DLG2: variants seen among roughly 807,000 people sequenced by gnomAD.
DLG2 encodes the protein discs large MAGUK scaffold protein 2.
DLG2 carries 45 observed loss-of-function variants against 132.5 expected under a neutral mutation model. The ratio of observed to expected loss-of-function variants is 0.34; its 90% CI spans 0.27 to 0.44. The LOEUF (loss-of-function observed/expected upper bound fraction) is 0.44, where lower values mean the gene tolerates loss of function less well. Ranked by LOEUF, DLG2 falls within the 20% of genes least tolerant of loss-of-function variation. DLG2 has a pLI of 1.00. For synonymous variants in DLG2, 424 were observed against 419.6 expected, an observed-to-expected ratio of 1.01 and a Z score of -0.13; for missense variants, 1,045 against 1,196.9, an observed-to-expected ratio of 0.87 and a Z score of 1.87.
intron 3 of DLG2, among the ~76,000 whole-genome samples, chr11:85,521,910 T>C (rs1335011976): frequency 1.3e-5 from 2 of 152,006 alleles, no homozygotes; most frequent in East Asian, 3.9e-4. Context: ...AACATAAAAG[T>C]TTGGAGAATT....
At chr11:85,357,179 C>T (rs569310696) in intron 3 of DLG2, among the ~76,000 whole-genome samples, 13 of 151,130 alleles carry the variant, frequency 8.6e-5, no homozygotes, top group African/African-American at 2.4e-4. Flanking sequence ...TTTCACTATG[C>T]ATACCTCCAA....
chr11:84,084,579 G>A (rs545740438), intron 10 of DLG2, among the ~76,000 whole-genome samples: 5 of 152,262 alleles, frequency 3.3e-5, no homozygotes, highest in Admixed American at 6.5e-5. Flanking sequence ...ATTAAGTAGT[G>A]ACAAAGATTC....
At chr11:84,021,510 C>T (rs2095392696) in intron 11 of DLG2, among the ~76,000 whole-genome samples, 1 of 152,092 alleles carries the variant, frequency 6.6e-6, no homozygotes. Flanking sequence ...CAGTCTGGTC[C>T]TTAAGCAGCT....
chr11:85,110,175 A>G (rs2072473844), intron 6 of DLG2, among the ~76,000 whole-genome samples: 1 of 152,060 alleles, frequency 6.6e-6, no homozygotes. Flanking sequence ...TGAACAAATA[A>G]TAGAATTATT....
chr11:83,559,350 G>A (rs1035954426), intron 19 of DLG2, among the ~76,000 whole-genome samples: 1 of 152,148 alleles, frequency 6.6e-6, no homozygotes, highest in Admixed American at 6.5e-5. Flanking sequence ...AGAATTACTC[G>A]CATAATCTTG....
chr11:83,622,257 C>T (rs2061749920), intron 19 of DLG2, among the ~76,000 whole-genome samples: 1 of 152,146 alleles, frequency 6.6e-6, no homozygotes, highest in African/African-American at 2.4e-5. Flanking sequence ...AAGAATTGAG[C>T]ATTTTCATTT....
intron 3 of DLG2, among the ~76,000 whole-genome samples, chr11:85,308,630 T>C (rs975339751): frequency 2.6e-5 from 4 of 152,220 alleles, no homozygotes; most frequent in African/African-American, 9.6e-5. Context: ...GGCCAGATTT[T>C]TGTAGTTCCC....
In DLG2 at chr11:83,725,938, T is replaced by C. The variant is rs949645781; in HGVS notation, c.1825+60752A>G. ...GGTCTACTGCTACCCAAATCAGCTGTGGTGGTCACCATGGTAACCACCCAC... is the reference window on the plus strand; with the variant it reads ...GGTCTACTGCTACCCAAATCAGCTGCGGTGGTCACCATGGTAACCACCCAC... On this transcript the variant is annotated intron_variant, in intron 18 of 27. Coordinates refer to ENST00000376104, the MANE Select transcript of DLG2 (RefSeq NM_001142699.3). Among the ~76,000 whole-genome samples, 4 of 152,072 alleles carry C rather than the reference T, an allele frequency of 2.6e-5. No individual in the cohort carries two copies. The East Asian group carries it at 7.7e-4, about 29-fold the overall frequency.
chr11:84,174,168 A>G (rs1465448651), intron 8 of DLG2, among the ~76,000 whole-genome samples: 1 of 150,034 alleles, frequency 6.7e-6, no homozygotes, highest in African/African-American at 2.5e-5. Flanking sequence ...TTTTTTTGTC[A>G]TATACATCCT....
intron 6 of DLG2, among the ~76,000 whole-genome samples, chr11:84,808,174 A>G (rs2076202569): frequency 6.6e-6 from 1 of 152,112 alleles, no homozygotes; most frequent in African/African-American, 2.4e-5. Context: ...AAAATTAAAG[A>G]TAACACAAAG....
chr11:83,976,709 A>G (rs971317152), intron 12 of DLG2, among the ~76,000 whole-genome samples: 4 of 151,948 alleles, frequency 2.6e-5, no homozygotes, highest in African/African-American at 9.7e-5. Context: ...TTCCTTACAT[A>G]AGAGAGGAGA....
At chr11:83,486,392 A>G (rs935503509) in intron 21 of DLG2, 3 of 561,578 alleles carry the variant, frequency 5.3e-6, no homozygotes, top group Non-Finnish European at 9.4e-6. Flanking sequence ...ATACAAAACA[A>G]TGCCAAGAGG....
At chr11:84,128,801 A>G (rs1445942444) in intron 9 of DLG2, among the ~76,000 whole-genome samples, 3 of 151,862 alleles carry the variant, frequency 2.0e-5, no homozygotes, top group Admixed American at 6.6e-5. Flanking sequence ...CACAAGGGGG[A>G]AAAAAAACAC....
chr11:85,212,970 C>T (rs2082343134), intron 4 of DLG2, among the ~76,000 whole-genome samples: 1 of 152,054 alleles, frequency 6.6e-6, no homozygotes, highest in Non-Finnish European at 1.5e-5. Context: ...AGTAGGTAGG[C>T]TTTGCTGTAA....
intron 5 of DLG2, among the ~76,000 whole-genome samples, chr11:85,124,610 T>A (rs1181392021): frequency 6.6e-6 from 1 of 152,214 alleles, no homozygotes; most frequent in Non-Finnish European, 1.5e-5. Flanking sequence ...ATTTTCTGAA[T>A]CTTGATCCAA....
chr11:84,938,132 G>A (rs1236948394), intron 6 of DLG2, among the ~76,000 whole-genome samples: 1 of 152,146 alleles, frequency 6.6e-6, no homozygotes, highest in Non-Finnish European at 1.5e-5. Context: ...GGAGCTCAGA[G>A]AAATTAAGTA....
At chr11:84,489,971 C>T (rs1404973167) in intron 7 of DLG2, among the ~76,000 whole-genome samples, 1 of 151,452 alleles carries the variant, frequency 6.6e-6, no homozygotes, top group East Asian at 1.9e-4. Flanking sequence ...GAGGAAGTAC[C>T]AAAAGAAAAA....
At chr11:85,561,451 A>G (rs552050345) in intron 3 of DLG2, among the ~76,000 whole-genome samples, 22 of 150,594 alleles carry the variant, frequency 1.5e-4, no homozygotes, top group African/African-American at 5.1e-4. Context: ...ACTTCCTACC[A>G]GTATTACAAA....
At chr11:85,134,895 G>T (rs950708991) in intron 5 of DLG2, among the ~76,000 whole-genome samples, 3 of 152,158 alleles carry the variant, frequency 2.0e-5, no homozygotes, top group Non-Finnish European at 4.4e-5. Flanking sequence ...TCCTACTGAT[G>T]TAAGAAATTT....
Sources: allele counts gnomAD v4.1 joint callset (sites outside exome capture counted in the v4.1 genomes callset), GRCh38; gene constraint gnomAD v4.1.1; transcripts MANE v1.5; gene names NCBI Gene and HGNC (gene_info 2026-07-23, HGNC 2026-07-21).